PATJ: variants seen among roughly 807,000 people sequenced by gnomAD.
PATJ encodes the protein inaD-like protein.
PATJ carries 190 observed loss-of-function variants against 224.9 expected under a neutral mutation model. The ratio of observed to expected loss-of-function variants is 0.84; its 90% CI spans 0.75 to 0.95. The LOEUF (loss-of-function observed/expected upper bound fraction) is 0.95, where lower values mean the gene tolerates loss of function less well. PATJ is among the 40% of genes least tolerant of loss of function. PATJ has a pLI of 0.00. For missense variants in PATJ, 2,121 were observed against 2,270.3 expected (o/e 0.93, Z 1.34); for synonymous variants, 769 against 820.3 (o/e 0.94, Z 1.07).
intron 1 of PATJ, among the ~76,000 whole-genome samples, chr1:61,748,632 A>T (rs1271164733): frequency 6.6e-6 from 1 of 152,076 alleles, no homozygotes; most frequent in African/African-American, 2.4e-5. Context: ...GTGGTGAAAC[A>T]TTTTATTTTT....
intron 43 of PATJ, 99 bp from the exon 44 acceptor site, chr1:62,160,808 CT>C: frequency 7.9e-7 from 1 of 1,271,574 alleles, no homozygotes; most frequent in Non-Finnish European, 1.1e-6. Flanking sequence ...TAAAGTTACT[CT>C]TTTAATATGC....
In PATJ at chr1:62,079,455, C is replaced by A. The variant is rs758090308; in HGVS notation, c.4131C>A (p.Val1377=). 3 of 1,601,426 alleles carry A rather than the reference C, an allele frequency of 1.9e-6. No homozygotes were observed. Among genetic ancestry groups the A allele is most frequent in the African/African-American group, 2.7e-5 (2 of 74,668 alleles). The part of the protein sequence containing the change: ...LPESESFKLA[V]SQMKQQKYPT... The stretch of plus-strand genomic sequence containing the variant: ...AATTTTCCTTTCTTTTGTAGGCTGT[C>A]AGCCAGATGAAACAGCAAAAATATC... The change falls in exon 32 of 44, where the codon GTC becomes GTA. Residue 1377 remains valine, a synonymous_variant. Coordinates refer to ENST00000642238, the MANE Select transcript of PATJ (RefSeq NM_001350145.3).
At position 61,901,321 on chromosome 1, in the gene PATJ, C is replaced by T; in HGVS notation, c.3243C>T (p.Ile1081=). The T allele has an allele frequency of 1.3e-6, 2 of 1,559,196 alleles. No homozygotes were observed. Among genetic ancestry groups the T allele is most frequent in the East Asian group, 4.8e-5 (2 of 41,540 alleles). The change falls in exon 24 of 44, where the codon ATC becomes ATT. Residue 1081 remains isoleucine, a synonymous_variant. Coordinates refer to ENST00000642238, the MANE Select transcript of PATJ (RefSeq NM_001350145.3). ...GAGAACCCAATGTGTCTCTTGGGAT[C>T]AGTATTGTTGGTGGACAAACTGTTA... The part of the protein sequence containing the change: ...IFREPNVSLG[I]SIVGGQTVIK...
intron 26 of PATJ, among the ~76,000 whole-genome samples, chr1:61,924,550 A>G (rs1317132214): frequency 6.6e-6 from 1 of 152,150 alleles, no homozygotes; most frequent in African/African-American, 2.4e-5. Context: ...TGAAAAAGAG[A>G]TTCTTAAAAT....
At chr1:61,796,748 T>G (rs1174218227) in intron 10 of PATJ, among the ~76,000 whole-genome samples, 1 of 135,268 alleles carries the variant, frequency 7.4e-6, no homozygotes, top group Non-Finnish European at 1.6e-5. Context: ...TTCTTTTTTT[T>G]CTTCCTTTCT....
At chr1:62,066,387 CTTTT>C (rs200726650) in intron 31 of PATJ, among the ~76,000 whole-genome samples, 1 of 145,012 alleles carries the variant, frequency 6.9e-6, no homozygotes, top group Non-Finnish European at 1.5e-5. Flanking sequence ...GCTGTGGGAA[CTTTT>C]TTTTTTTTTT....
chr1:62,042,331 C>T (rs1651666383), intron 30 of PATJ, among the ~76,000 whole-genome samples: 1 of 152,150 alleles, frequency 6.6e-6, no homozygotes, highest in South Asian at 2.1e-4. Context: ...TGATGAATGC[C>T]ACCCCTCCTG....
chr1:61,885,518 C>A (rs1186008955), intron 22 of PATJ, among the ~76,000 whole-genome samples: 1 of 151,522 alleles, frequency 6.6e-6, no homozygotes, highest in African/African-American at 2.4e-5. Flanking sequence ...ATTCAAAAGT[C>A]AGGAAACAAC....
chr1:61,816,682 A>C (rs914804609), intron 14 of PATJ, among the ~76,000 whole-genome samples: 1 of 152,168 alleles, frequency 6.6e-6, no homozygotes. Flanking sequence ...GTACTGCAAA[A>C]GGTGATTTTT....
intron 27 of PATJ, among the ~76,000 whole-genome samples, chr1:61,951,206 T>C (rs75648143): frequency 0.051 from 7,764 of 152,102 alleles, 671 homozygotes; most frequent in African/African-American, 0.18. Context: ...AAAAAAGTTA[T>C]TTAGTAGAAT....
intron 31 of PATJ, chr1:62,072,340 G>GA (rs376899427): frequency 2.0e-4 from 31 of 151,930 alleles, no homozygotes; most frequent in Admixed American, 1.4e-3. Context: ...GTCTTAAGGG[G>GA]AAAAAACTCT....
chr1:62,133,080 A>G (rs1278934901), intron 41 of PATJ, among the ~76,000 whole-genome samples: 1 of 152,140 alleles, frequency 6.6e-6, no homozygotes, highest in Non-Finnish European at 1.5e-5. Flanking sequence ...GGCGAGCTAA[A>G]TTTTCATCTC....
In PATJ at chr1:62,123,004, G is replaced by A; in HGVS notation, c.5006-17G>A. The A allele has an allele frequency of 6.5e-7, 1 of 1,539,684 alleles. No individual in the cohort carries two copies. Among genetic ancestry groups the A allele is most frequent in the Non-Finnish European group, 8.9e-7 (1 of 1,124,248 alleles). ...ATTTTTTAATATTAAAAAGTTAATTGTGTTGCTTCTTTATAGGCACAGATA... is the reference window on the plus strand; with the variant it reads ...ATTTTTTAATATTAAAAAGTTAATTATGTTGCTTCTTTATAGGCACAGATA... On this transcript the variant is annotated splice_polypyrimidine_tract_variant and intron_variant, in intron 38 of 43. Coordinates refer to ENST00000642238, the MANE Select transcript of PATJ (RefSeq NM_001350145.3).
At chr1:61,924,713 T>C (rs1421334471) in intron 26 of PATJ, among the ~76,000 whole-genome samples, 1 of 152,222 alleles carries the variant, frequency 6.6e-6, no homozygotes, top group East Asian at 1.9e-4. Flanking sequence ...AATTTATTAA[T>C]ATGCTCTGAA....
intron 31 of PATJ, among the ~76,000 whole-genome samples, chr1:62,071,572 A>C (rs1657418594): frequency 6.8e-6 from 1 of 146,042 alleles, no homozygotes; most frequent in African/African-American, 2.6e-5. Flanking sequence ...AGCTCACTGC[A>C]ACCTCCGCCT....
intron 15 of PATJ, among the ~76,000 whole-genome samples, chr1:61,824,983 G>A (rs1657981867): frequency 6.6e-6 from 1 of 152,146 alleles, no homozygotes; most frequent in African/African-American, 2.4e-5. Flanking sequence ...AAGAGCTTGG[G>A]ATAAGGAAGG....
chr1:62,106,346 G>A (rs935460192), intron 33 of PATJ, among the ~76,000 whole-genome samples: 2 of 149,056 alleles, frequency 1.3e-5, no homozygotes, highest in East Asian at 3.9e-4. Flanking sequence ...TTGTGCACAC[G>A]TATAGTCCCA....
chr1:62,106,496 C>A (rs1663066564), intron 33 of PATJ, among the ~76,000 whole-genome samples: 1 of 151,786 alleles, frequency 6.6e-6, no homozygotes, highest in African/African-American at 2.4e-5. Flanking sequence ...AGTTAAAAAG[C>A]AAACAAACAA....
intron 39 of PATJ, among the ~76,000 whole-genome samples, chr1:62,127,634 T>A (rs1665860972): frequency 6.6e-6 from 1 of 152,054 alleles, no homozygotes; most frequent in Non-Finnish European, 1.5e-5. Context: ...GGTGAAGCCC[T>A]GTCTCTACTA....
Sources: gnomAD v4.1 joint callset for allele counts (sites outside exome capture counted in the v4.1 genomes callset) on GRCh38, gnomAD v4.1.1 for gene constraint, MANE v1.5 for transcripts, NCBI Gene and HGNC (gene_info 2026-07-23, HGNC 2026-07-21) for gene names.